Variants in TASP1 observed in about 807,000 individuals in gnomAD.
TASP1 encodes the protein threonine aspartase 1.
Under a neutral mutation model 56.6 loss-of-function variants are expected in TASP1, and 16 were observed. That is an observed-to-expected ratio of 0.28 (90% CI 0.19 to 0.43). The LOEUF is 0.43. Among genes scored for constraint, TASP1 ranks in the 20% least tolerant of loss-of-function variants. The pLI, the probability that TASP1 is intolerant of heterozygous loss-of-function variation, is 1.00. For missense variants in TASP1, 393 were observed against 511.6 expected (o/e 0.77, Z 2.24); for synonymous variants, 179 against 184.2 (o/e 0.97, Z 0.23).
chr20:13,210,322 G>A, the TASP1 span, among the ~76,000 whole-genome samples: 160 of 152,130 alleles, frequency 1.1e-3, no homozygotes, highest in Non-Finnish European at 1.4e-3. Context: ...ATTTGTACAC[G>A]TCTTTTTGTT....
intron 11 of TASP1, among the ~76,000 whole-genome samples, chr20:13,468,791 C>G (rs183758700): frequency 2.6e-5 from 4 of 151,302 alleles, no homozygotes; most frequent in Non-Finnish European, 5.9e-5. Flanking sequence ...TTTTGATCAC[C>G]TAATAAGTAC....
At chr20:13,374,011 A>G in the TASP1 span, among the ~76,000 whole-genome samples, 1 of 152,094 alleles carries the variant, frequency 6.6e-6, no homozygotes, top group Non-Finnish European at 1.5e-5. Context: ...TCTGCCAGTA[A>G]AAAATCTCCT....
At chr20:13,223,225 TA>T in the TASP1 span, among the ~76,000 whole-genome samples, 3 of 151,668 alleles carry the variant, frequency 2.0e-5, no homozygotes, top group East Asian at 5.8e-4. Context: ...AAATAAGCAT[TA>T]TTCATTGTTC....
chr20:13,165,183 C>T, the TASP1 span: 1 of 221,824 alleles, frequency 4.5e-6, no homozygotes. Flanking sequence ...CAGACCCTTT[C>T]AGGGATTCCA....
At chr20:13,198,226 TA>T in the TASP1 span, among the ~76,000 whole-genome samples, 3,059 of 152,320 alleles carry the variant, frequency 0.02, 53 homozygotes, top group Non-Finnish European at 0.03. Context: ...TAATGGGAAT[TA>T]TTTTTCATCT....
chr20:13,574,786 C>T (rs1298250596), intron 6 of TASP1, among the ~76,000 whole-genome samples: 3 of 151,376 alleles, frequency 2.0e-5, no homozygotes, highest in African/African-American at 7.3e-5. Flanking sequence ...AGAAACTATT[C>T]AAAATGAAAC....
chr20:13,507,635 G>A (rs180808632), intron 10 of TASP1, among the ~76,000 whole-genome samples: 4 of 152,318 alleles, frequency 2.6e-5, no homozygotes, highest in Non-Finnish European at 4.4e-5. Flanking sequence ...AAAGAATACT[G>A]TCAAAACATC....
intron 7 of TASP1, among the ~76,000 whole-genome samples, chr20:13,563,092 T>C (rs1219974713): frequency 6.7e-6 from 1 of 150,200 alleles, no homozygotes; most frequent in African/African-American, 2.4e-5. Flanking sequence ...GAGATATAAT[T>C]TTTTTGAGAC....
chr20:13,465,547 A>C (rs1364912577), intron 11 of TASP1, among the ~76,000 whole-genome samples: 1 of 152,060 alleles, frequency 6.6e-6, no homozygotes, highest in South Asian at 2.1e-4. Flanking sequence ...TACTGAAAAT[A>C]AATTTATTTA....
chr20:13,437,814 AC>A (rs1266487309), intron 11 of TASP1, among the ~76,000 whole-genome samples: 1 of 152,202 alleles, frequency 6.6e-6, no homozygotes, highest in Non-Finnish European at 1.5e-5. Flanking sequence ...GACGTGAAGG[AC>A]CTCTTCAAGG....
At chr20:13,364,091 A>G in the TASP1 span, among the ~76,000 whole-genome samples, 229 of 152,318 alleles carry the variant, frequency 1.5e-3, no homozygotes, top group Admixed American at 4.9e-3. Context: ...GATTTAAAAA[A>G]AAAACAAACA....
chr20:13,497,914 G>A (rs182932044), intron 10 of TASP1, among the ~76,000 whole-genome samples: 118 of 152,260 alleles, frequency 7.7e-4, no homozygotes, highest in Non-Finnish European at 7.6e-4. Context: ...AATTGGTGCT[G>A]GGATAACTGG....
At chr20:13,105,219 G>A in the TASP1 span, among the ~76,000 whole-genome samples, 42 of 152,076 alleles carry the variant, frequency 2.8e-4, no homozygotes, top group Middle Eastern at 3.4e-3. Flanking sequence ...CTTTTCCTGT[G>A]TAGCTTCTGT....
chr20:13,570,259 C>T (rs1375402851), intron 6 of TASP1, among the ~76,000 whole-genome samples: 1 of 151,978 alleles, frequency 6.6e-6, no homozygotes, highest in Non-Finnish European at 1.5e-5. Flanking sequence ...GGATAATTAC[C>T]CCATTCCCTA....
At chr20:13,232,409 G>A in the TASP1 span, among the ~76,000 whole-genome samples, 24 of 152,320 alleles carry the variant, frequency 1.6e-4, no homozygotes, top group African/African-American at 5.8e-4. Flanking sequence ...AGAATGCATA[G>A]CATTGCATGA....
chr20:13,317,791 C>T, the TASP1 span, among the ~76,000 whole-genome samples: 1 of 152,112 alleles, frequency 6.6e-6, no homozygotes, highest in South Asian at 2.1e-4. Context: ...AAAATTAACT[C>T]AAAATGAATC....
At chr20:13,488,921 A>C (rs2043422183) in intron 10 of TASP1, among the ~76,000 whole-genome samples, 1 of 152,042 alleles carries the variant, frequency 6.6e-6, no homozygotes, top group Admixed American at 6.6e-5. Context: ...ATCAACTTAC[A>C]TCCATCCCCT....
chr20:13,148,308 G>A, the TASP1 span, among the ~76,000 whole-genome samples: 2 of 152,272 alleles, frequency 1.3e-5, no homozygotes, highest in Admixed American at 6.5e-5. Context: ...TGTGGCCTCC[G>A]TTAACCTAGC....
intron 11 of TASP1, among the ~76,000 whole-genome samples, chr20:13,476,347 T>C (rs6042154): frequency 0.059 from 8,960 of 152,266 alleles, 371 homozygotes; most frequent in African/African-American, 0.12. Flanking sequence ...GGGAGTTTCA[T>C]ACATCTAGGA....
Sources: allele counts gnomAD v4.1 joint callset (sites outside exome capture counted in the v4.1 genomes callset), GRCh38; gene constraint gnomAD v4.1.1; transcripts MANE v1.5; gene names NCBI Gene and HGNC (gene_info 2026-07-23, HGNC 2026-07-21).